Variants in PPP6R3 observed in about 807,000 individuals in gnomAD.
PPP6R3 encodes the protein protein phosphatase 6 regulatory subunit 3, also known as serine/threonine-protein phosphatase 6 regulatory subunit 3.
PPP6R3 carries 38 observed loss-of-function variants against 110.7 expected under a neutral mutation model. The observed-to-expected ratio is 0.34, with a 90% confidence interval of 0.26 to 0.45. The LOEUF (loss-of-function observed/expected upper bound fraction) is 0.45. Ranked by LOEUF, PPP6R3 falls within the 20% of genes least tolerant of loss-of-function variation. The pLI, the probability that PPP6R3 is intolerant of heterozygous loss-of-function variation, is 1.00. For missense variants in PPP6R3, 870 were observed against 1,062.4 expected, an observed-to-expected ratio of 0.82 and a Z score of 2.52; for synonymous variants, 369 against 373.5, an observed-to-expected ratio of 0.99 and a Z score of 0.14.
intron 1 of PPP6R3, among the ~76,000 whole-genome samples, chr11:68,472,610 T>A (rs1012762440): frequency 2.6e-5 from 4 of 151,774 alleles, no homozygotes; most frequent in African/African-American, 9.7e-5. Flanking sequence ...TAAACTTATA[T>A]CTCGGGGTTT....
Position 68,519,628 on chromosome 11 carries a change from T to G in PPP6R3, c.-30T>G. The G allele has an allele frequency of 2.5e-6, 1 of 398,630 alleles. No individual in the cohort carries two copies. The highest frequency in any genetic ancestry group is 4.4e-6 in the Non-Finnish European group (1 of 226,062). The allele number at this position is 398,630 out of a possible 1,614,324, so 24.7% of individuals were successfully genotyped here. Reference sequence around the variant, plus strand: ...GCCACAAAGAAGAAAACATTTCTTTTAATTTTTAAACTTGGTTTGAAAGGT... The same window carrying G: ...GCCACAAAGAAGAAAACATTTCTTTGAATTTTTAAACTTGGTTTGAAAGGT... On this transcript the variant is annotated 5_prime_UTR_variant, in exon 2 of 24. The change abolishes the stop of an existing upstream ORF in the 5' untranslated region. Coordinates refer to ENST00000393800, the MANE Select transcript of PPP6R3 (RefSeq NM_001164161.2).
At position 68,540,304 on chromosome 11, in the gene PPP6R3, C is replaced by T. The variant is rs896873065; in HGVS notation, c.227+2413C>T. On this transcript the variant is annotated intron_variant, in intron 3 of 23. Transcript: ENST00000393800. ...AGAGAGATTTTAAAAGCTGGGCGTC[C>T]GGGGGAGACATCACATGTCAGTAGG... is the stretch of plus-strand genomic sequence containing the variant. 1.4e-4 allele frequency among the ~76,000 whole-genome samples: 21 copies of T among 152,146 alleles called. No individual in the cohort carries two copies. In the South Asian group the frequency reaches 2.7e-3, roughly 20 times the overall value.
intron 21 of PPP6R3, among the ~76,000 whole-genome samples, chr11:68,602,758 C>A (rs2099635678): frequency 6.6e-6 from 1 of 152,154 alleles, no homozygotes; most frequent in Non-Finnish European, 1.5e-5. Context: ...GTGCACTGAT[C>A]CCCTTTCCTG....
At chr11:68,477,741 A>AAAAAAAAAAATATATATATAT in intron 1 of PPP6R3, among the ~76,000 whole-genome samples, 3 of 57,894 alleles carry the variant, frequency 5.2e-5, no homozygotes, top group African/African-American at 2.1e-4. Flanking sequence ...AAAAAAAAAA[A>AAAAAAAAAAATATATATATAT]ATATATATAT....
chr11:68,554,116 A>G, intron 6 of PPP6R3, 29 bp from the exon 7 acceptor site: 1 of 1,467,770 alleles, frequency 6.8e-7, no homozygotes. Flanking sequence ...AACATGTTTT[A>G]TGGTTAAAAT....
In PPP6R3 at chr11:68,613,183, T is replaced by G. The variant is rs1594219969; in HGVS notation, c.*66T>G. 5.6e-6 allele frequency: 9 copies of G among 1,601,374 alleles called. No homozygotes were observed. The highest frequency in any genetic ancestry group is 6.8e-6 in the Non-Finnish European group (8 of 1,174,312). Reference sequence around the variant, plus strand: ...CCACCACTCAGGGGCTCTGGAGGGGTCAGCTGGAGCCCACCAAGCTGTCAC... The same window carrying G: ...CCACCACTCAGGGGCTCTGGAGGGGGCAGCTGGAGCCCACCAAGCTGTCAC... On this transcript the variant is annotated 3_prime_UTR_variant, in exon 24 of 24. Coordinates refer to ENST00000393800, the MANE Select transcript of PPP6R3 (RefSeq NM_001164161.2).
At chr11:68,548,802 G>A (rs558946426) in intron 5 of PPP6R3, among the ~76,000 whole-genome samples, 1 of 152,288 alleles carries the variant, frequency 6.6e-6, no homozygotes, top group African/African-American at 2.4e-5. Flanking sequence ...GAATTTGGGT[G>A]GGAAGAGGGG....
chr11:68,487,349 A>T (rs201494098), intron 1 of PPP6R3, among the ~76,000 whole-genome samples: 152,144 of 152,148 alleles, frequency 1, 76,070 homozygotes, highest in Middle Eastern at 1. Flanking sequence ...GCCCAGGAGT[A>T]TGAGGTTGCA....
intron 1 of PPP6R3, among the ~76,000 whole-genome samples, chr11:68,469,336 A>G (rs1252761273): frequency 2.0e-5 from 3 of 152,052 alleles, no homozygotes; most frequent in Non-Finnish European, 4.4e-5. Context: ...CCCAGGCTAG[A>G]GTGCAGTGGT....
chr11:68,573,174 G>A (rs1233117331), intron 12 of PPP6R3, among the ~76,000 whole-genome samples: 7 of 79,004 alleles, frequency 8.9e-5, no homozygotes, highest in South Asian at 4.4e-4. Flanking sequence ...TTTTTGAGAC[G>A]GAGTCTTATT....
chr11:68,550,335 C>T (rs183050413), intron 5 of PPP6R3, among the ~76,000 whole-genome samples: 1 of 152,208 alleles, frequency 6.6e-6, no homozygotes, highest in Non-Finnish European at 1.5e-5. Context: ...GATTTCTGCC[C>T]CCGCTGCCCG....
intron 14 of PPP6R3, among the ~76,000 whole-genome samples, chr11:68,582,621 C>T (rs2099562822): frequency 6.6e-6 from 1 of 152,358 alleles, no homozygotes; most frequent in African/African-American, 2.4e-5. Context: ...GAGTGGCGCA[C>T]TGGCGCACTG....
chr11:68,521,949 T>C (rs935672429), intron 2 of PPP6R3, among the ~76,000 whole-genome samples: 2 of 152,206 alleles, frequency 1.3e-5, no homozygotes, highest in African/African-American at 2.4e-5. Flanking sequence ...TCTATTAATA[T>C]TGATCTGCAG....
intron 8 of PPP6R3, among the ~76,000 whole-genome samples, chr11:68,562,074 C>G (rs1014962243): frequency 6.6e-6 from 1 of 151,940 alleles, no homozygotes. Flanking sequence ...ACGCATACTC[C>G]TAGAACTAAC....
At chr11:68,471,559 C>T (rs1037129241) in intron 1 of PPP6R3, among the ~76,000 whole-genome samples, 1 of 152,096 alleles carries the variant, frequency 6.6e-6, no homozygotes, top group Non-Finnish European at 1.5e-5. Flanking sequence ...GAGCTGTTCC[C>T]ACATGGTGGT....
At chr11:68,600,562 T>A (rs998234279) in intron 20 of PPP6R3, 68 bp downstream of exon 20, 1 of 1,532,246 alleles carries the variant, frequency 6.5e-7, no homozygotes, top group Non-Finnish European at 8.8e-7. Flanking sequence ...TGTTTGCTGT[T>A]AACGTGTGTT....
Position 68,552,709 on chromosome 11 carries a change from C to T in PPP6R3, c.619-1436C>T, listed in dbSNP as rs138420182. On this transcript the variant is annotated intron_variant, in intron 6 of 23. Coordinates refer to ENST00000393800, the MANE Select transcript of PPP6R3 (RefSeq NM_001164161.2). ...GCCATGACAGGAGTGTGGCCTGCCC[C>T]GTTGACAGGGAGGAGTTTCCATGAA... Among the ~76,000 whole-genome samples, 7 of 152,298 alleles carry T rather than the reference C, an allele frequency of 4.6e-5. No homozygotes were observed. In the East Asian group the frequency reaches 9.6e-4, roughly 21 times the overall value.
rs1394671275 is a variant in PPP6R3 at position 68,477,749 on chromosome 11, T to A, written c.-158+16922T>A. On this transcript the variant is annotated intron_variant, in intron 1 of 23. Coordinates refer to ENST00000393800, the MANE Select transcript of PPP6R3 (RefSeq NM_001164161.2). ...CTCTTAAAAAAAAAAAAAATATATATATATATATATATATATATATATAAT... is the reference window on the plus strand; with the variant it reads ...CTCTTAAAAAAAAAAAAAATATATAAATATATATATATATATATATATAAT... Among the ~76,000 whole-genome samples the A allele has an allele frequency of 2.7e-3, 352 of 130,452 alleles. 5 individuals carry two copies. Among genetic ancestry groups the A allele is most frequent in the African/African-American group, 0.01 (328 of 32,666 alleles). The allele number at this position is 130,452 out of a possible 152,430, so 85.6% of individuals were successfully genotyped here.
intron 19 of PPP6R3, among the ~76,000 whole-genome samples, chr11:68,599,775 G>T (rs1324601140): frequency 6.6e-6 from 1 of 152,156 alleles, no homozygotes; most frequent in Admixed American, 6.5e-5. Flanking sequence ...ATCCCTCTTT[G>T]TGCATGTAGC....
Sources: allele counts gnomAD v4.1 joint callset (sites outside exome capture counted in the v4.1 genomes callset), GRCh38; gene constraint gnomAD v4.1.1; transcripts MANE v1.5; gene names NCBI Gene and HGNC (gene_info 2026-07-23, HGNC 2026-07-21).